The following TXNRD1 variants were observed in gnomAD, a reference collection of about 807,000 sequenced individuals.
TXNRD1 encodes thioredoxin reductase 1, also known as thioredoxin reductase 1, cytoplasmic.
TXNRD1 carries 57 observed loss-of-function variants against 80.3 expected under a neutral mutation model. The observed-to-expected ratio is 0.71, with a 90% CI of 0.57 to 0.89. The LOEUF is 0.89. Among genes scored for constraint, TXNRD1 ranks in the 40% least tolerant of loss-of-function variants. The probability of loss-of-function intolerance (pLI) is 0.00; values close to 1 mark genes in which losing one functional copy is unlikely to be tolerated. For synonymous variants in TXNRD1, 291 were observed against 285.2 expected (o/e 1.02, Z -0.20); for missense variants, 730 against 803.0 (o/e 0.91, Z 1.10).
intron 3 of TXNRD1, among the ~76,000 whole-genome samples, chr12:104,266,524 C>CAA (rs60829935): frequency 0.46 from 51,283 of 111,154 alleles, 12,096 homozygotes; most frequent in Non-Finnish European, 0.54. Context: ...GAATTCATCT[C>CAA]AAAAAAAAAA....
intron 3 of TXNRD1, chr12:104,282,841 G>T (rs187744030): frequency 6.6e-6 from 1 of 152,358 alleles, no homozygotes; most frequent in East Asian, 1.9e-4. Context: ...CTACAGGCAG[G>T]TACCACCACA....
intron 3 of TXNRD1, among the ~76,000 whole-genome samples, chr12:104,281,088 T>C (rs1242754769): frequency 6.6e-6 from 1 of 152,182 alleles, no homozygotes; most frequent in Non-Finnish European, 1.5e-5. Context: ...TGTTAACCCA[T>C]ACTATGGATT....
chr12:104,260,210 C>T (rs113301768), intron 3 of TXNRD1, among the ~76,000 whole-genome samples: 3 of 118,766 alleles, frequency 2.5e-5, no homozygotes, highest in Non-Finnish European at 3.5e-5. Flanking sequence ...GCTCATGCCT[C>T]TAATCCCAGC....
At chr12:104,307,289 A>G (rs1358604188) in intron 4 of TXNRD1, among the ~76,000 whole-genome samples, 2 of 152,192 alleles carry the variant, frequency 1.3e-5, no homozygotes, top group Non-Finnish European at 2.9e-5. Context: ...TAGTCTGTCT[A>G]TATACTGGAT....
chr12:104,304,522 A>T, intron 4 of TXNRD1: 1 of 1,614,064 alleles, frequency 6.2e-7, no homozygotes, highest in African/African-American at 1.3e-5. Context: ...GCAAGATGGA[A>T]GAAAATGGCA....
intron 14 of TXNRD1, among the ~76,000 whole-genome samples, chr12:104,333,694 G>A (rs1054366266): frequency 4.6e-5 from 7 of 151,706 alleles, no homozygotes; most frequent in Non-Finnish European, 8.8e-5. Flanking sequence ...GGATGCTGTC[G>A]TTCCACCCTT....
chr12:104,223,293 C>T (rs2032395151), intron 1 of TXNRD1, among the ~76,000 whole-genome samples: 1 of 152,184 alleles, frequency 6.6e-6, no homozygotes, highest in African/African-American at 2.4e-5. Context: ...AGGCTTGCTG[C>T]ACTCTATATA....
At chr12:104,259,614 C>CGAGTAG (rs2033323475) in intron 3 of TXNRD1, among the ~76,000 whole-genome samples, 2 of 151,524 alleles carry the variant, frequency 1.3e-5, no homozygotes, top group South Asian at 4.2e-4. Context: ...GCCTCAGCCT[C>CGAGTAG]CTGAGTAGCT....
At chr12:104,295,818 G>A (rs1051889570) in intron 4 of TXNRD1, among the ~76,000 whole-genome samples, 1 of 152,090 alleles carries the variant, frequency 6.6e-6, no homozygotes, top group African/African-American at 2.4e-5. Context: ...CTTACATATC[G>A]AGGTCAGAGA....
chr12:104,318,976 G>T lies in TXNRD1; in HGVS notation c.794G>T (p.Gly265Val), dbSNP rs1201990704. Reference sequence around the variant, plus strand: ...AATCACATTGGCTCTTTGAATTGGGGCTACCGAGTAGCTCTGCGGGAGAAA... The same window carrying T: ...AATCACATTGGCTCTTTGAATTGGGTCTACCGAGTAGCTCTGCGGGAGAAA... The part of the protein sequence containing the change: ...VQNHIGSLNW[G>V]YRVALREKKV... Residue 265 changes from glycine (G) to valine (V), a missense_variant, in exon 8 of 17, where the codon GGC becomes GTC. Physicochemically the swap from Gly to Val is moderately radical, Grantham distance 109. Transcript: ENST00000525566. 6.2e-7 allele frequency: 1 copy of T among 1,613,842 alleles called. No individual in the cohort carries two copies. The highest frequency in any genetic ancestry group is 8.5e-7 in the Non-Finnish European group (1 of 1,179,868).
intron 11 of TXNRD1, 51 bp downstream of exon 11, chr12:104,325,480 T>G: frequency 3.0e-6 from 4 of 1,331,310 alleles, no homozygotes; most frequent in Non-Finnish European, 3.2e-6. Flanking sequence ...ATAACATGCT[T>G]ATTGGGTATC....
chr12:104,290,714 A>AATATACATATAT (rs1220314988), intron 4 of TXNRD1, among the ~76,000 whole-genome samples: 1 of 49,154 alleles, frequency 2.0e-5, no homozygotes, highest in Non-Finnish European at 4.5e-5. Flanking sequence ...AAAAAAAAGA[A>AATATACATATAT]ATATACATAT....
intron 4 of TXNRD1, chr12:104,304,865 T>C (rs746894135): frequency 5.0e-6 from 8 of 1,613,528 alleles, no homozygotes; most frequent in Non-Finnish European, 6.8e-6. Flanking sequence ...ATCTTTGACT[T>C]TACAGGAGTG....
Position 104,350,065 on chromosome 12 carries a change from T to C in TXNRD1, c.*1644T>C, listed in dbSNP as rs552357863. On this transcript the variant is annotated 3_prime_UTR_variant, in exon 17 of 17. Transcript: ENST00000525566. The stretch of plus-strand genomic sequence containing the variant: ...TCTGAAATTAGAACAGTAGGCGGTA[T>C]GAGATAATCAGGCCTAATCATGTTG... 1 of 152,352 alleles carries C rather than the reference T, an allele frequency of 6.6e-6. No individual in the cohort carries two copies. The highest frequency in any genetic ancestry group is 1.9e-4 in the East Asian group (1 of 5,190). The allele number at this position is 152,352 out of a possible 1,614,324, so 9.4% of individuals were successfully genotyped here.
intron 13 of TXNRD1, among the ~76,000 whole-genome samples, chr12:104,327,892 G>A (rs1303994077): frequency 6.6e-6 from 1 of 151,788 alleles, no homozygotes; most frequent in Admixed American, 6.6e-5. Flanking sequence ...CGGGCACAGT[G>A]GCTCATGCCT....
chr12:104,228,123 A>T (rs1432678083), intron 1 of TXNRD1, among the ~76,000 whole-genome samples: 2 of 152,004 alleles, frequency 1.3e-5, no homozygotes, highest in Non-Finnish European at 2.9e-5. Flanking sequence ...ACCAACATGG[A>T]GAAACCCCAT....
Position 104,227,430 on chromosome 12 carries a change from TTTTTTA to T in TXNRD1, c.91+11551_91+11556del, listed in dbSNP as rs541394172. 1.0e-3 allele frequency among the ~76,000 whole-genome samples: 154 copies of T among 152,086 alleles called. 1 individual carries two copies. The highest frequency in any genetic ancestry group is 3.5e-3 in the African/African-American group (146 of 41,488). Reference sequence around the variant, plus strand: ...GTGAGTGGTACCATGCCTGGCTAACTTTTTTATTTTTATTTTTATAGAAATGAAGTC... The same window carrying T: ...GTGAGTGGTACCATGCCTGGCTAACTTTTTTATTTTTATAGAAATGAAGTC... On this transcript the variant is annotated intron_variant, in intron 1 of 16. Transcript: ENST00000525566.
At chr12:104,223,567 T>A (rs2032401469) in intron 1 of TXNRD1, among the ~76,000 whole-genome samples, 1 of 152,244 alleles carries the variant, frequency 6.6e-6, no homozygotes, top group African/African-American at 2.4e-5. Context: ...CCAAGGAGCA[T>A]GGTTTCGCTG....
intron 3 of TXNRD1, among the ~76,000 whole-genome samples, chr12:104,287,920 G>C (rs1372533745): frequency 6.6e-6 from 1 of 152,204 alleles, no homozygotes; most frequent in Non-Finnish European, 1.5e-5. Flanking sequence ...ATGTGAAGCA[G>C]TATAGACATG....
Sources: allele counts gnomAD v4.1 joint callset (sites outside exome capture counted in the v4.1 genomes callset), GRCh38; gene constraint gnomAD v4.1.1; transcripts MANE v1.5; gene names NCBI Gene and HGNC (gene_info 2026-07-23, HGNC 2026-07-21).